Variants in BICC1 observed in about 807,000 individuals in gnomAD.
BICC1 encodes protein bicaudal C homolog 1.
In BICC1, 43 loss-of-function variants were observed where a neutral mutation model predicts 111.0. The observed-to-expected ratio is 0.39, with a 90% confidence interval of 0.30 to 0.50. BICC1 has a LOEUF of 0.50. BICC1 is among the 20% of genes least tolerant of loss of function. The pLI is 0.88. For missense variants in BICC1, 1,091 were observed against 1,203.2 expected (o/e 0.91, Z 1.38); for synonymous variants, 467 against 434.4 (o/e 1.07, Z -0.93).
chr10:58,633,292 G>A (rs936085908), intron 2 of BICC1, among the ~76,000 whole-genome samples: 1 of 152,122 alleles, frequency 6.6e-6, no homozygotes, highest in African/African-American at 2.4e-5. Flanking sequence ...AAATTACCCG[G>A]TCTTGGGTAT....
intron 2 of BICC1, chr10:58,648,426 TA>T: frequency 1.2e-6 from 1 of 803,318 alleles, no homozygotes; most frequent in Non-Finnish European, 1.5e-6. Flanking sequence ...CTTTTGAATC[TA>T]AGCCAAAAAA....
intron 2 of BICC1, among the ~76,000 whole-genome samples, chr10:58,641,853 T>C (rs765340598): frequency 6.6e-6 from 1 of 152,192 alleles, no homozygotes; most frequent in Non-Finnish European, 1.5e-5. Flanking sequence ...GGGATTCACA[T>C]TGTGTTAGGA....
At chr10:58,815,159 C>A (rs1844049136) in intron 18 of BICC1, among the ~76,000 whole-genome samples, 1 of 152,194 alleles carries the variant, frequency 6.6e-6, no homozygotes, top group South Asian at 2.1e-4. Flanking sequence ...TTGAAGACTC[C>A]TTGAAGCTAG....
intron 3 of BICC1, among the ~76,000 whole-genome samples, chr10:58,766,259 G>A (rs1010364175): frequency 6.6e-6 from 1 of 152,092 alleles, no homozygotes; most frequent in Non-Finnish European, 1.5e-5. Context: ...TCTAGTCTTG[G>A]ATATAGTGCC....
chr10:58,606,666 C>A (rs767448278), intron 1 of BICC1, among the ~76,000 whole-genome samples: 37 of 152,200 alleles, frequency 2.4e-4, no homozygotes, highest in Admixed American at 1.7e-3. Flanking sequence ...CTATTCTAAT[C>A]GCCTGTGACT....
intron 1 of BICC1, among the ~76,000 whole-genome samples, chr10:58,560,721 C>T (rs916828422): frequency 6.6e-6 from 1 of 151,962 alleles, no homozygotes; most frequent in Non-Finnish European, 1.5e-5. Flanking sequence ...TCAGCTTTTG[C>T]TGTATCCCAT....
intron 2 of BICC1, among the ~76,000 whole-genome samples, chr10:58,659,508 CACTT>C (rs1838771868): frequency 6.6e-6 from 1 of 152,126 alleles, no homozygotes; most frequent in South Asian, 2.1e-4. Context: ...CATGTATTCT[CACTT>C]ATAAGTGGGA....
At chr10:58,673,578 A>G (rs1564545521) in intron 2 of BICC1, among the ~76,000 whole-genome samples, 2 of 152,142 alleles carry the variant, frequency 1.3e-5, no homozygotes, top group Non-Finnish European at 2.9e-5. Flanking sequence ...TTCTGGTAGT[A>G]GCACCATCTA....
At chr10:58,582,320 T>C (rs1055371637) in intron 1 of BICC1, among the ~76,000 whole-genome samples, 3 of 152,248 alleles carry the variant, frequency 2.0e-5, no homozygotes, top group Admixed American at 6.5e-5. Context: ...TGTGGTCTTT[T>C]TGACCTTTGT....
chr10:58,609,948 CT>C (rs1457601296), intron 1 of BICC1, among the ~76,000 whole-genome samples: 1 of 152,142 alleles, frequency 6.6e-6, no homozygotes, highest in African/African-American at 2.4e-5. Context: ...TCAGGGATTG[CT>C]TATATAAGAA....
chr10:58,536,024 A>G (rs118176696), intron 1 of BICC1, among the ~76,000 whole-genome samples: 2 of 151,636 alleles, frequency 1.3e-5, no homozygotes, highest in Non-Finnish European at 3.0e-5. Context: ...CATGAAGAAG[A>G]TAAAATAATT....
intron 8 of BICC1, among the ~76,000 whole-genome samples, chr10:58,790,352 T>G (rs1457930895): frequency 2.6e-5 from 4 of 152,110 alleles, no homozygotes; most frequent in Non-Finnish European, 5.9e-5. Context: ...AAAGACAAAT[T>G]TTGTCAGCCC....
chr10:58,802,985 G>A (rs916111964), intron 14 of BICC1, 92 bp from the exon 15 acceptor site: 25 of 1,243,758 alleles, frequency 2.0e-5, no homozygotes, highest in Non-Finnish European at 2.7e-5. Flanking sequence ...AGCTGATGAT[G>A]ATAAACATGC....
intron 1 of BICC1, among the ~76,000 whole-genome samples, chr10:58,540,274 A>G (rs1842926053): frequency 6.7e-6 from 1 of 149,414 alleles, no homozygotes; most frequent in Non-Finnish European, 1.5e-5. Flanking sequence ...ATTAGAGTCC[A>G]AATAAATGAA....
intron 1 of BICC1, among the ~76,000 whole-genome samples, chr10:58,515,215 T>A (rs1842210275): frequency 6.6e-6 from 1 of 152,242 alleles, no homozygotes; most frequent in Admixed American, 6.5e-5. Context: ...TAGTTTCTTT[T>A]ACAGAAAGTC....
At chr10:58,604,183 C>T (rs1198472542) in intron 1 of BICC1, among the ~76,000 whole-genome samples, 4 of 152,098 alleles carry the variant, frequency 2.6e-5, no homozygotes, top group African/African-American at 9.7e-5. Context: ...TCTGATAGTC[C>T]TAGTATTGTG....
intron 10 of BICC1, among the ~76,000 whole-genome samples, chr10:58,797,286 G>C (rs1843386421): frequency 6.6e-6 from 1 of 152,138 alleles, no homozygotes; most frequent in Non-Finnish European, 1.5e-5. Flanking sequence ...GGGTCATTCA[G>C]TGTTGATTTG....
At chr10:58,747,485 G>T (rs1841867395) in intron 3 of BICC1, among the ~76,000 whole-genome samples, 1 of 152,092 alleles carries the variant, frequency 6.6e-6, no homozygotes, top group South Asian at 2.1e-4. Flanking sequence ...TATTATTTTT[G>T]ATTGAAAAAT....
At chr10:58,648,258 T>C (rs1445807857) in intron 2 of BICC1, among the ~76,000 whole-genome samples, 1 of 152,220 alleles carries the variant, frequency 6.6e-6, no homozygotes, top group Non-Finnish European at 1.5e-5. Flanking sequence ...TAGATGCTGT[T>C]ATATATAAAA....
Sources: allele counts gnomAD v4.1 joint callset (sites outside exome capture counted in the v4.1 genomes callset), GRCh38; gene constraint gnomAD v4.1.1; transcripts MANE v1.5; gene names NCBI Gene and HGNC (gene_info 2026-07-23, HGNC 2026-07-21).